TUT4: variants seen among roughly 807,000 people sequenced by gnomAD.
The protein encoded by TUT4 is terminal uridylyl transferase 4.
Under a neutral mutation model 192.2 loss-of-function variants are expected in TUT4, and 36 were observed. The ratio of observed to expected loss-of-function variants is 0.19; its 90% CI spans 0.14 to 0.25. The LOEUF is 0.25. Among genes scored for constraint, TUT4 ranks in the 10% least tolerant of loss-of-function variants. TUT4 has a pLI of 1.00. For missense variants in TUT4, 1,493 were observed against 1,957.2 expected (o/e 0.76, Z 4.47); for synonymous variants, 618 against 666.0 (o/e 0.93, Z 1.11).
intron 9 of TUT4, among the ~76,000 whole-genome samples, chr1:52,482,682 G>A (rs774001628): frequency 3.8e-4 from 57 of 151,992 alleles, no homozygotes; most frequent in African/African-American, 9.4e-4. Flanking sequence ...AGATCTCCCC[G>A]CTCGGCCTCC....
At position 52,475,473 on chromosome 1, in the gene TUT4, C is replaced by T. The variant is rs112192735; in HGVS notation, c.2086G>A (p.Val696Ile). ...SLNSQLVYEYVVERFRAAYRY... is the reference protein window; with the variant it reads ...SLNSQLVYEYIVERFRAAYRY... ...TAAGCTGCCCTAAATCTCTCCACAA[C>T]ATATTCGTAAACCAGCTGGCTGTTT... Residue 696 changes from valine (V) to isoleucine (I), a missense_variant, in exon 13 of 30, where the codon GTT becomes ATT. Around this residue, in one of 7 missense-constraint regions of TUT4, gnomAD observed 437 missense variants for 577.6 expected, o/e 0.76. Transcript: ENST00000257177. 2 of 1,614,094 alleles carry T rather than the reference C, an allele frequency of 1.2e-6. No homozygotes were observed. Among genetic ancestry groups the T allele is most frequent in the Non-Finnish European group, 8.5e-7 (1 of 1,180,032 alleles).
At position 52,536,621 on chromosome 1, in the gene TUT4, G is replaced by C. The variant is rs373551252; in HGVS notation, c.-93-10248C>G. On this transcript the variant is annotated intron_variant, in intron 1 of 29. Coordinates refer to ENST00000257177, the MANE Select transcript of TUT4 (RefSeq NM_001009881.3). ...TAATCCCAGCACTTTGGGAGGCCGA[G>C]GTAGGTGGATTACCTGAGATCAGGA... 3.9e-5 allele frequency among the ~76,000 whole-genome samples: 6 copies of C among 152,146 alleles called. No homozygotes were observed. The East Asian group carries it at 5.8e-4, about 15-fold the overall frequency.
chr1:52,506,285 C>CA (rs1191819461), intron 4 of TUT4, among the ~76,000 whole-genome samples: 1 of 151,388 alleles, frequency 6.6e-6, no homozygotes, highest in Non-Finnish European at 1.5e-5. Context: ...AGTTTTCTTT[C>CA]TTTTTTTTTC....
At chr1:52,547,093 A>G (rs1395689173) in intron 1 of TUT4, among the ~76,000 whole-genome samples, 4 of 151,114 alleles carry the variant, frequency 2.6e-5, no homozygotes, top group Non-Finnish European at 5.9e-5. Context: ...CAGAAGGCAG[A>G]GGCTGCAGTG....
intron 4 of TUT4, among the ~76,000 whole-genome samples, chr1:52,497,795 A>G (rs752033044): frequency 2.0e-5 from 3 of 152,232 alleles, no homozygotes; most frequent in African/African-American, 7.2e-5. Context: ...AGCTACATAA[A>G]ACACAGGAAA....
intron 1 of TUT4, among the ~76,000 whole-genome samples, chr1:52,542,493 T>A (rs1221614390): frequency 2.0e-5 from 3 of 152,128 alleles, no homozygotes; most frequent in Non-Finnish European, 2.9e-5. Flanking sequence ...TGAAAACAGA[T>A]CAATGTAACA....
At chr1:52,439,749 G>C (rs945703256) in intron 24 of TUT4, among the ~76,000 whole-genome samples, 1 of 152,136 alleles carries the variant, frequency 6.6e-6, no homozygotes, top group Non-Finnish European at 1.5e-5. Context: ...TTATCAAAAT[G>C]ACACAGCAAT....
At chr1:52,536,791 T>A (rs568375327) in intron 1 of TUT4, among the ~76,000 whole-genome samples, 1 of 150,998 alleles carries the variant, frequency 6.6e-6, no homozygotes, top group Non-Finnish European at 1.5e-5. Context: ...GAGGTGGAGG[T>A]TGCAGTGAGC....
In TUT4 at chr1:52,466,962, T is replaced by C. The variant is rs528844360; in HGVS notation, c.2965+1219A>G. ...GATTATAGGTGTAAGCCACCGCACC[T>C]GGCCAAAAAAAATATTTCTTAATAA... On this transcript the variant is annotated intron_variant, in intron 15 of 29. Transcript: ENST00000257177. Among the ~76,000 whole-genome samples the C allele has an allele frequency of 3.3e-5, 5 of 151,926 alleles. No homozygotes were observed. The South Asian group carries it at 1.0e-3, about 32-fold the overall frequency.
At chr1:52,540,532 G>A (rs1179541004) in intron 1 of TUT4, among the ~76,000 whole-genome samples, 1 of 150,180 alleles carries the variant, frequency 6.7e-6, no homozygotes, top group African/African-American at 2.5e-5. Context: ...AAAAAAGAAA[G>A]AAAGAAAGAA....
At chr1:52,544,994 C>A (rs998387325) in intron 1 of TUT4, among the ~76,000 whole-genome samples, 1 of 150,464 alleles carries the variant, frequency 6.6e-6, no homozygotes, top group Non-Finnish European at 1.5e-5. Flanking sequence ...GAGGTCAAGG[C>A]TGCACTGAGC....
At chr1:52,492,866 A>G (rs1671523271) in intron 7 of TUT4, among the ~76,000 whole-genome samples, 1 of 152,212 alleles carries the variant, frequency 6.6e-6, no homozygotes, top group South Asian at 2.1e-4. Context: ...GATGTAATAT[A>G]AATGATTAAA....
chr1:52,550,512 T>TA (rs1689146974), intron 1 of TUT4, among the ~76,000 whole-genome samples: 1 of 151,048 alleles, frequency 6.6e-6, no homozygotes, highest in Admixed American at 6.6e-5. Flanking sequence ...TTTTTTTTTT[T>TA]TTTTGTTTAA....
Position 52,495,423 on chromosome 1 carries a change from T to C in TUT4, c.1266+4A>G, listed in dbSNP as rs540418166. ...ACCACACAGGAAAGATTCTAATTAC[T>C]TACCTTGGGAGGAAATTTTATATCT... On this transcript the variant is annotated splice_donor_region_variant and intron_variant, in intron 6 of 29. Coordinates refer to ENST00000257177, the MANE Select transcript of TUT4 (RefSeq NM_001009881.3). The C allele has an allele frequency of 1.3e-6, 2 of 1,576,672 alleles. No homozygotes were observed. Among genetic ancestry groups the C allele is most frequent in the East Asian group, 2.2e-5 (1 of 44,472 alleles).
At chr1:52,463,809 C>T (rs1270543342) in intron 16 of TUT4, 2 of 1,303,078 alleles carry the variant, frequency 1.5e-6, no homozygotes, top group Non-Finnish European at 2.0e-6. Context: ...CGTAAGTACC[C>T]ACTCTTACTG....
At chr1:52,490,691 G>A in intron 8 of TUT4, 41 bp downstream of exon 8, 1 of 1,547,548 alleles carries the variant, frequency 6.5e-7, no homozygotes, top group Non-Finnish European at 8.8e-7. Context: ...TTGGTTGTTG[G>A]GGTTTGTTTT....
intron 24 of TUT4, among the ~76,000 whole-genome samples, chr1:52,444,925 G>GTGTGTA (rs1240054584): frequency 8.0e-6 from 1 of 125,696 alleles, no homozygotes; most frequent in African/African-American, 4.6e-5. Context: ...ACATGTATGT[G>GTGTGTA]TATATATATG....
chr1:52,468,286 GA>G lies in TUT4; in HGVS notation c.2879-20del, dbSNP rs752655775. On this transcript the variant is annotated intron_variant, in intron 14 of 29. Transcript: ENST00000257177. ...AACTCATCTGGGTTTATAAAAAGAA[GA>G]AAAAAGGAAAAAGAAAAGTAAGGAA... 1.3e-6 allele frequency: 2 copies of G among 1,529,458 alleles called. No individual in the cohort carries two copies. The highest frequency in any genetic ancestry group is 8.8e-7 in the Non-Finnish European group (1 of 1,137,928). The allele number at this position is 1,529,458 out of a possible 1,614,324, so 94.7% of individuals were successfully genotyped here. A position where few individuals can be genotyped will look rare whatever the true frequency, so the allele number is the denominator to read the frequency against.
intron 2 of TUT4, among the ~76,000 whole-genome samples, chr1:52,524,828 C>A (rs941623242): frequency 1.3e-5 from 2 of 152,022 alleles, no homozygotes; most frequent in African/African-American, 4.8e-5. Context: ...AAAAAAAATT[C>A]TTCAATGGCT....
Sources: allele counts gnomAD v4.1 joint callset (sites outside exome capture counted in the v4.1 genomes callset), GRCh38; gene constraint gnomAD v4.1.1; regional missense constraint gnomAD v4.1.1; transcripts MANE v1.5; gene names NCBI Gene and HGNC (gene_info 2026-07-23, HGNC 2026-07-21).